SMIM35: variants seen among roughly 807,000 people sequenced by gnomAD.
SMIM35 encodes small integral membrane protein 35.
intron 1 of SMIM35, among the ~76,000 whole-genome samples, chr11:118,059,885 A>G (rs898705166): frequency 2.0e-5 from 3 of 152,220 alleles, no homozygotes; most frequent in African/African-American, 7.2e-5. Context: ...CCTAGGGATC[A>G]GAGGCCTCCC....
intron 1 of SMIM35, among the ~76,000 whole-genome samples, chr11:118,076,636 T>C (rs1591316368): frequency 1.3e-5 from 2 of 151,574 alleles, no homozygotes; most frequent in Admixed American, 6.6e-5. Flanking sequence ...GGAAAGGGGG[T>C]ACATCTTACC....
At chr11:118,029,715 C>G (rs1043879024) in intron 1 of SMIM35, 2 of 457,384 alleles carry the variant, frequency 4.4e-6, no homozygotes, top group Non-Finnish European at 4.4e-6. Flanking sequence ...CTCGTTACAC[C>G]CTACCCTCTG....
chr11:118,015,590 C>T, intron 2 of SMIM35, 103 bp downstream of exon 2: 1 of 398,632 alleles, frequency 2.5e-6, no homozygotes, highest in East Asian at 3.6e-5. Context: ...TATTTTTCAT[C>T]CCACCATGCT....
At chr11:118,071,709 T>C (rs1027136764) in intron 1 of SMIM35, among the ~76,000 whole-genome samples, 1 of 152,168 alleles carries the variant, frequency 6.6e-6, no homozygotes, top group Non-Finnish European at 1.5e-5. Flanking sequence ...CAGGGGTTCA[T>C]CTATGTCAAG....
intron 1 of SMIM35, among the ~76,000 whole-genome samples, chr11:118,058,676 A>G (rs1304328155): frequency 6.6e-6 from 1 of 151,864 alleles, no homozygotes; most frequent in East Asian, 1.9e-4. Context: ...GGAACCAAAA[A>G]CCCAGGGCAC....
intron 1 of SMIM35, among the ~76,000 whole-genome samples, chr11:118,039,120 A>G (rs563480001): frequency 7.6e-4 from 116 of 152,324 alleles, no homozygotes; most frequent in African/African-American, 2.7e-3. Flanking sequence ...GCCCTTTCTA[A>G]AACAACTCTG....
intron 1 of SMIM35, among the ~76,000 whole-genome samples, chr11:118,048,041 A>G (rs1053507882): frequency 2.0e-5 from 3 of 152,176 alleles, no homozygotes; most frequent in African/African-American, 7.2e-5. Flanking sequence ...GTGGGGGTGC[A>G]TCCGTTGGTA....
At chr11:118,077,980 T>A (rs1309659730) in intron 1 of SMIM35, among the ~76,000 whole-genome samples, 1 of 118,902 alleles carries the variant, frequency 8.4e-6, no homozygotes, top group Admixed American at 1.2e-4. Flanking sequence ...GCCATTGCAC[T>A]CCAACCTGGG....
intron 1 of SMIM35, among the ~76,000 whole-genome samples, chr11:118,032,871 G>GC (rs1429957596): frequency 6.6e-6 from 1 of 152,146 alleles, no homozygotes; most frequent in Non-Finnish European, 1.5e-5. Context: ...CCATGCCACT[G>GC]CACTTCAGCC....
At chr11:118,077,802 A>G (rs1282801179) in intron 1 of SMIM35, among the ~76,000 whole-genome samples, 1 of 152,094 alleles carries the variant, frequency 6.6e-6, no homozygotes, top group Non-Finnish European at 1.5e-5. Context: ...TCTCGAGGTC[A>G]GGAGTTTGAG....
intron 1 of SMIM35, among the ~76,000 whole-genome samples, chr11:118,050,354 G>C (rs1944191471): frequency 6.6e-6 from 1 of 152,222 alleles, no homozygotes; most frequent in Non-Finnish European, 1.5e-5. Flanking sequence ...TGCCAGCTGG[G>C]GGAACCTAGG....
chr11:118,076,717 C>T (rs1364757338), intron 1 of SMIM35, among the ~76,000 whole-genome samples: 1 of 152,100 alleles, frequency 6.6e-6, no homozygotes, highest in African/African-American at 2.4e-5. Flanking sequence ...TGGCAATGAT[C>T]TCTTTGTACT....
chr11:118,062,859 A>G (rs955492861), intron 1 of SMIM35, among the ~76,000 whole-genome samples: 1 of 152,206 alleles, frequency 6.6e-6, no homozygotes, highest in Admixed American at 6.5e-5. Flanking sequence ...CAGTTAAGGT[A>G]TTCTAAGTCA....
chr11:118,048,988 T>A (rs868836989), intron 1 of SMIM35, among the ~76,000 whole-genome samples: 8 of 131,810 alleles, frequency 6.1e-5, no homozygotes, highest in Non-Finnish European at 1.1e-4. Context: ...ATGATGATTT[T>A]GCCAATAATC....
chr11:118,044,772 C>CA (rs35072099), intron 1 of SMIM35, among the ~76,000 whole-genome samples: 9,656 of 94,632 alleles, frequency 0.1, 857 homozygotes, highest in East Asian at 0.29. Flanking sequence ...ACTCCATCTC[C>CA]AAAAAAAAAA....
In SMIM35 at chr11:118,077,972, C is replaced by A. The variant is rs1944796986; in HGVS notation, c.7+8779G>T. On this transcript the variant is annotated intron_variant, in intron 1 of 4. Coordinates refer to ENST00000689828, the MANE Select transcript of SMIM35 (RefSeq NM_001394165.1). The stretch of plus-strand genomic sequence containing the variant: ...AGGTTGTGGTGAGCCAAGATTGTGC[C>A]ATTGCACTCCAACCTGGGCAACAAG... Among the ~76,000 whole-genome samples, 4 of 119,758 alleles carry A rather than the reference C, an allele frequency of 3.3e-5. No individual in the cohort carries two copies. In the South Asian group the frequency reaches 1.1e-3, roughly 33 times the overall value. 78.6% of individuals were successfully genotyped at this position (119,758 alleles called of 152,430 possible). A position where few individuals can be genotyped will look rare whatever the true frequency, so the allele number is the denominator to read the frequency against.
chr11:118,036,071 G>A (rs2058357559), intron 1 of SMIM35, among the ~76,000 whole-genome samples: 2 of 152,040 alleles, frequency 1.3e-5, no homozygotes, highest in Admixed American at 1.3e-4. Flanking sequence ...TATTTTAGTA[G>A]AGATGGGGTT....
chr11:118,013,608 G>A (rs923352452), intron 4 of SMIM35, 140 bp downstream of exon 4: 27 of 387,044 alleles, frequency 7.0e-5, no homozygotes, highest in South Asian at 1.4e-4. Context: ...GCCTGAGATC[G>A]GCACCAGAAG....
intron 4 of SMIM35, among the ~76,000 whole-genome samples, chr11:118,009,466 A>G (rs1340860427): frequency 2.6e-5 from 4 of 152,150 alleles, no homozygotes; most frequent in Admixed American, 1.3e-4. Flanking sequence ...TGCTCAGCAA[A>G]TGTTAGCGTT....
Sources: allele counts gnomAD v4.1 joint callset (sites outside exome capture counted in the v4.1 genomes callset), GRCh38; gene constraint gnomAD v4.1.1; transcripts MANE v1.5; gene names NCBI Gene and HGNC (gene_info 2026-07-23, HGNC 2026-07-21).